MED1: variants seen among roughly 807,000 people sequenced by gnomAD.
The protein encoded by MED1 is mediator complex subunit 1.
A neutral mutation model predicts 121.3 loss-of-function variants in MED1; 17 were observed. That is an observed-to-expected ratio of 0.14 (90% confidence interval 0.10 to 0.21). The LOEUF (loss-of-function observed/expected upper bound fraction) is 0.21, where lower values mean the gene tolerates loss of function less well. MED1 is among the 10% of genes least tolerant of loss of function. The pLI is 1.00. For synonymous variants in MED1, 661 were observed against 694.4 expected (o/e 0.95, Z 0.76); for missense variants, 1,558 against 1,919.4 (o/e 0.81, Z 3.52).
At chr17:39,445,156 A>G (rs1298781228) in intron 2 of MED1, among the ~76,000 whole-genome samples, 3 of 152,212 alleles carry the variant, frequency 2.0e-5, no homozygotes, top group Non-Finnish European at 2.9e-5. Flanking sequence ...GAAAACTGGA[A>G]AACTAAATGT....
chr17:39,421,545 T>C (rs879286773), intron 13 of MED1, among the ~76,000 whole-genome samples: 2 of 151,836 alleles, frequency 1.3e-5, no homozygotes, highest in Non-Finnish European at 2.9e-5. Flanking sequence ...CTAGCTAGAC[T>C]CCATCTCAAA....
At position 39,409,986 on chromosome 17, in the gene MED1, A is replaced by C. The variant is rs2048341116; in HGVS notation, c.2235T>G (p.Cys745Trp). The change falls in exon 17 of 17, where the codon TGT becomes TGG. Residue 745 changes from cysteine to tryptophan, a missense_variant. Cys to Trp is a radical substitution (Grantham distance 215, BLOSUM62 -2). Coordinates refer to ENST00000300651, the MANE Select transcript of MED1 (RefSeq NM_004774.4). ...TPHITPAPSQ[C>W]STPPTTYPQP... ...GTGGGTAAGTTGTTGGGGGAGTGCT[A>C]CACTGGCTTGGAGCTGGAGTGATGT... 1 of 1,614,008 alleles carries C rather than the reference A, an allele frequency of 6.2e-7. No individual in the cohort carries two copies. Among genetic ancestry groups the C allele is most frequent in the South Asian group, 1.1e-5 (1 of 91,078 alleles).
intron 9 of MED1, among the ~76,000 whole-genome samples, chr17:39,429,391 C>G (rs2048543645): frequency 6.6e-6 from 1 of 151,918 alleles, no homozygotes; most frequent in African/African-American, 2.4e-5. Flanking sequence ...CAGGTATTGA[C>G]AGCTTAGAAA....
At chr17:39,414,750 A>G (rs1358395643) in intron 16 of MED1, among the ~76,000 whole-genome samples, 2 of 140,584 alleles carry the variant, frequency 1.4e-5, no homozygotes, top group Non-Finnish European at 3.0e-5. Flanking sequence ...GCTCACTGCA[A>G]CCTCCACCTC....
intron 3 of MED1, among the ~76,000 whole-genome samples, chr17:39,441,050 G>T (rs1449469447): frequency 6.6e-6 from 1 of 151,446 alleles, no homozygotes; most frequent in Non-Finnish European, 1.5e-5. Flanking sequence ...CAGTCAAAAG[G>T]TTAAAACAAT....
At position 39,410,546 on chromosome 17, in the gene MED1, C is replaced by T. The variant is rs1476918273; in HGVS notation, c.1675G>A (p.Gly559Ser). 2 of 1,614,018 alleles carry T rather than the reference C, an allele frequency of 1.2e-6. No individual in the cohort carries two copies. The highest frequency in any genetic ancestry group is 1.7e-6 in the Non-Finnish European group (2 of 1,180,012). Residue 559 changes from glycine to serine, a missense_variant, in exon 17 of 17, where the codon GGT becomes AGT. By Grantham distance (56) the Gly-to-Ser change is moderately conservative. Transcript: ENST00000300651. ...AAGGTGTTGGTTGGTGTAGTGGTAC[C>T]ACTCATTGGGTTGTTGCCTGTGGTC... ...GMTTGNNPMS[G>S]TTTPTNTFPG...
chr17:39,425,360 T>C (rs1037351179), intron 10 of MED1, among the ~76,000 whole-genome samples: 1 of 152,138 alleles, frequency 6.6e-6, no homozygotes, highest in African/African-American at 2.4e-5. Context: ...CTGGCTAATT[T>C]TTTTGTATGT....
At chr17:39,427,531 G>A (rs1450402025) in intron 10 of MED1, 170 bp downstream of exon 10, 6 of 539,444 alleles carry the variant, frequency 1.1e-5, no homozygotes, top group East Asian at 6.3e-5. Context: ...ATGCATGTGT[G>A]TATATACATA....
chr17:39,418,762 T>A lies in MED1; in HGVS notation c.1297+955A>T, dbSNP rs116207909. On this transcript the variant is annotated intron_variant, in intron 14 of 16. Coordinates refer to ENST00000300651, the MANE Select transcript of MED1 (RefSeq NM_004774.4). ...CCCACTGAGATTATCATTCAGTTCATCTTCGTGTGGAAACACAGCATCTGT... is the reference window on the plus strand; with the variant it reads ...CCCACTGAGATTATCATTCAGTTCAACTTCGTGTGGAAACACAGCATCTGT... Among the ~76,000 whole-genome samples the A allele has an allele frequency of 9.2e-3, 1,390 of 151,792 alleles. 18 individuals are homozygous for A. The highest frequency in any genetic ancestry group is 0.032 in the African/African-American group (1,309 of 41,462).
intron 16 of MED1, among the ~76,000 whole-genome samples, chr17:39,412,736 C>A (rs970459036): frequency 3.9e-5 from 6 of 151,972 alleles, no homozygotes; most frequent in African/African-American, 1.4e-4. Context: ...TGGGGTTTCA[C>A]CATCTTGGCC....
intron 1 of MED1, among the ~76,000 whole-genome samples, chr17:39,449,054 A>G (rs1387215231): frequency 6.7e-6 from 1 of 149,768 alleles, no homozygotes; most frequent in Non-Finnish European, 1.5e-5. Flanking sequence ...TTTTTTTTTT[A>G]AGACAGAGTA....
chr17:39,445,816 G>A (rs2048720651), intron 2 of MED1, among the ~76,000 whole-genome samples: 2 of 151,820 alleles, frequency 1.3e-5, no homozygotes, highest in Admixed American at 1.3e-4. Context: ...GGATCACAAG[G>A]TCAGGAGTTC....
chr17:39,423,884 C>T (rs1411948700), intron 11 of MED1, 63 bp from the exon 12 acceptor site: 13 of 1,521,124 alleles, frequency 8.5e-6, no homozygotes, highest in East Asian at 2.3e-5. Context: ...AAAACCCAAA[C>T]ACCTTTTTTT....
chr17:39,414,273 G>A (rs1296259932), intron 16 of MED1, among the ~76,000 whole-genome samples: 2 of 151,258 alleles, frequency 1.3e-5, no homozygotes, highest in East Asian at 1.9e-4. Context: ...AGCAGAGAAG[G>A]GTGAAATCAA....
rs1343409685 is a variant in MED1, at chr17:39,438,363, AG to A, written c.428+801del. ...TTTTTTTTTTTTTTTTTTTTTTTTG[AG>A]ACGGCGTCTTGCTCTGTCGCCCAGG... On this transcript the variant is annotated intron_variant, in intron 6 of 16. Transcript: ENST00000300651. 1.7e-4 allele frequency among the ~76,000 whole-genome samples: 12 copies of A among 70,272 alleles called. No homozygotes were observed. The East Asian group carries it at 2.7e-3, about 16-fold the overall frequency. The allele number at this position is 70,272 out of a possible 152,430, so 46.1% of individuals were successfully genotyped here. A position where few individuals can be genotyped will look rare whatever the true frequency, so the allele number is the denominator to read the frequency against.
At chr17:39,412,526 A>C (rs1489108479) in intron 16 of MED1, among the ~76,000 whole-genome samples, 1 of 145,850 alleles carries the variant, frequency 6.9e-6, no homozygotes, top group Non-Finnish European at 1.5e-5. Context: ...CCAGCCAGCA[A>C]ATTTTTCTTT....
chr17:39,423,665 A>G (rs1373771226), intron 12 of MED1, 32 bp downstream of exon 12: 2 of 1,613,566 alleles, frequency 1.2e-6, no homozygotes, highest in Non-Finnish European at 1.7e-6. Context: ...CACATTTATA[A>G]CAAGTACTAG....
rs2048291143 is a variant in MED1, at chr17:39,404,880, C to T, written c.*2595G>A. 8.0e-6 allele frequency: 1 copy of T among 125,602 alleles called. No homozygotes were observed. The highest frequency in any genetic ancestry group is 3.0e-4 in the South Asian group (1 of 3,332). The allele number at this position is 125,602 out of a possible 1,614,324, so 7.8% of individuals were successfully genotyped here. On this transcript the variant is annotated 3_prime_UTR_variant, in exon 17 of 17. Transcript: ENST00000300651. ...TGTCCCCACCACCCCACCCCCCACC[C>T]GCTAAAATACTTCTGTTTTAAGACA...
At chr17:39,411,124 T>C (rs1279139764) in intron 16 of MED1, among the ~76,000 whole-genome samples, 1 of 151,492 alleles carries the variant, frequency 6.6e-6, no homozygotes, top group African/African-American at 2.4e-5. Flanking sequence ...ATCGACACCA[T>C]CCTGGCCAAC....
Sources: gnomAD v4.1 joint callset for allele counts (sites outside exome capture counted in the v4.1 genomes callset) on GRCh38, gnomAD v4.1.1 for gene constraint, MANE v1.5 for transcripts, NCBI Gene and HGNC (gene_info 2026-07-23, HGNC 2026-07-21) for gene names.